CDIN1: variants seen among roughly 807,000 people sequenced by gnomAD.
CDIN1 encodes the protein CDAN1-interacting nuclease 1.
A neutral mutation model predicts 45.3 loss-of-function variants in CDIN1; 33 were observed. The ratio of observed to expected loss-of-function variants is 0.73; its 90% confidence interval spans 0.55 to 0.97. The LOEUF (loss-of-function observed/expected upper bound fraction) is 0.97, where lower values mean the gene tolerates loss of function less well. Among genes scored for constraint, CDIN1 ranks in the 50% least tolerant of loss-of-function variants. The pLI is 0.00. For missense variants in CDIN1, 303 were observed against 339.4 expected (o/e 0.89, Z 0.84); for synonymous variants, 118 against 124.4 (o/e 0.95, Z 0.34).
At chr15:36,798,260 G>A (rs1394995010) in intron 10 of CDIN1, among the ~76,000 whole-genome samples, 1 of 152,078 alleles carries the variant, frequency 6.6e-6, no homozygotes, top group Non-Finnish European at 1.5e-5. Flanking sequence ...CATAATTTTT[G>A]AAGACCCATT....
intron 10 of CDIN1, among the ~76,000 whole-genome samples, chr15:36,778,739 C>T (rs2054279715): frequency 6.6e-6 from 1 of 152,142 alleles, no homozygotes; most frequent in Admixed American, 6.5e-5. Context: ...TGTACACTGT[C>T]GTCTGTCCTC....
intron 10 of CDIN1, among the ~76,000 whole-genome samples, chr15:36,731,759 T>C (rs1210603161): frequency 6.6e-6 from 1 of 152,206 alleles, no homozygotes; most frequent in East Asian, 1.9e-4. Context: ...CCTGCCTGTC[T>C]GGCTAAATGA....
At chr15:36,736,714 T>C (rs2140926521) in intron 10 of CDIN1, among the ~76,000 whole-genome samples, 1 of 152,302 alleles carries the variant, frequency 6.6e-6, no homozygotes, top group Admixed American at 6.5e-5. Context: ...GGCTGTCCAT[T>C]GCCTGCAGAG....
At chr15:36,675,226 A>T (rs1248353591) in intron 5 of CDIN1, among the ~76,000 whole-genome samples, 1 of 152,136 alleles carries the variant, frequency 6.6e-6, no homozygotes, top group African/African-American at 2.4e-5. Flanking sequence ...AAAAAATGTA[A>T]TTAAATGGTT....
chr15:36,584,866 T>A (rs2037220136), intron 1 of CDIN1, among the ~76,000 whole-genome samples: 1 of 152,226 alleles, frequency 6.6e-6, no homozygotes, highest in African/African-American at 2.4e-5. Flanking sequence ...AAACAATTTT[T>A]AAAAATACTC....
chr15:36,737,173 A>T (rs550256670), intron 10 of CDIN1, among the ~76,000 whole-genome samples: 1 of 151,696 alleles, frequency 6.6e-6, no homozygotes, highest in Non-Finnish European at 1.5e-5. Flanking sequence ...GTCTCAAAAA[A>T]AAAAAAAACA....
chr15:36,616,929 A>AT (rs1186871936), intron 1 of CDIN1, among the ~76,000 whole-genome samples: 4 of 151,850 alleles, frequency 2.6e-5, no homozygotes, highest in Non-Finnish European at 4.4e-5. Context: ...AGTGTCAAAA[A>AT]AATATATATA....
At chr15:36,694,773 A>G (rs2042366527) in intron 7 of CDIN1, among the ~76,000 whole-genome samples, 2 of 152,322 alleles carry the variant, frequency 1.3e-5, no homozygotes, top group South Asian at 2.1e-4. Flanking sequence ...GGAAGCTTCA[A>G]ATGCTGTGGG....
chr15:36,677,017 T>C (rs1266925790), intron 5 of CDIN1, among the ~76,000 whole-genome samples: 1 of 152,208 alleles, frequency 6.6e-6, no homozygotes, highest in African/African-American at 2.4e-5. Context: ...AGTCATTAGA[T>C]GTTTTCACGG....
chr15:36,703,957 A>C (rs1016161697), intron 8 of CDIN1, among the ~76,000 whole-genome samples: 2 of 152,046 alleles, frequency 1.3e-5, no homozygotes, highest in African/African-American at 4.8e-5. Context: ...TGATTAAATA[A>C]ATTGTCCTTT....
At position 36,792,122 on chromosome 15, in the gene CDIN1, A is replaced by C. The variant is rs547911824; in HGVS notation, c.717-16202A>C. On this transcript the variant is annotated intron_variant, in intron 10 of 10. Transcript: ENST00000566621. The stretch of plus-strand genomic sequence containing the variant: ...GAAAGACCGTCACAAGCTTAACTAA[A>C]TGTTTAAAATAACCTTCTAACTCCT... Among the ~76,000 whole-genome samples, 5 of 152,310 alleles carry C rather than the reference A, an allele frequency of 3.3e-5. No homozygotes were observed. The East Asian group carries it at 9.7e-4, about 29-fold the overall frequency.
At chr15:36,616,600 A>T (rs1340370460) in intron 1 of CDIN1, among the ~76,000 whole-genome samples, 1 of 152,116 alleles carries the variant, frequency 6.6e-6, no homozygotes, top group Non-Finnish European at 1.5e-5. Context: ...AGCCTTGTGC[A>T]AATTCCAGTA....
At chr15:36,724,714 T>C (rs899110932) in intron 10 of CDIN1, among the ~76,000 whole-genome samples, 1 of 152,154 alleles carries the variant, frequency 6.6e-6, no homozygotes, top group African/African-American at 2.4e-5. Context: ...ATAATAAAGT[T>C]TAGAGAACTG....
intron 1 of CDIN1, among the ~76,000 whole-genome samples, chr15:36,642,981 A>G (rs1223764151): frequency 1.3e-5 from 2 of 152,124 alleles, no homozygotes; most frequent in Non-Finnish European, 2.9e-5. Flanking sequence ...CTACTAGGGT[A>G]TGTGATTTGG....
chr15:36,734,297 A>G (rs1464348305), intron 10 of CDIN1: 3 of 347,224 alleles, frequency 8.6e-6, no homozygotes, highest in African/African-American at 2.2e-5. Context: ...TAACATGTTC[A>G]TGTACACTTT....
intron 1 of CDIN1, chr15:36,641,252 A>G (rs1036139362): frequency 6.6e-6 from 1 of 152,252 alleles, no homozygotes; most frequent in Non-Finnish European, 1.5e-5. Flanking sequence ...ATAATTACAC[A>G]GAATAAGAAT....
chr15:36,615,032 G>A (rs1367877201), intron 1 of CDIN1, among the ~76,000 whole-genome samples: 1 of 152,188 alleles, frequency 6.6e-6, no homozygotes, highest in Admixed American at 6.5e-5. Context: ...TTAGCCGTGT[G>A]AAACTCATCT....
intron 8 of CDIN1, chr15:36,704,287 G>A (rs569363112): frequency 6.6e-6 from 1 of 152,172 alleles, no homozygotes; most frequent in East Asian, 1.9e-4. Flanking sequence ...TTCCTTGTTA[G>A]TGGCTTTGAT....
intron 10 of CDIN1, among the ~76,000 whole-genome samples, chr15:36,769,694 G>C (rs1300407216): frequency 6.6e-6 from 1 of 152,050 alleles, no homozygotes; most frequent in Non-Finnish European, 1.5e-5. Context: ...AGCTGAAAAA[G>C]GTTTATTAAG....
Sources: gnomAD v4.1 joint callset for allele counts (sites outside exome capture counted in the v4.1 genomes callset) on GRCh38, gnomAD v4.1.1 for gene constraint, MANE v1.5 for transcripts, NCBI Gene and HGNC (gene_info 2026-07-23, HGNC 2026-07-21) for gene names.